Variants in MMP16 observed in about 807,000 individuals in gnomAD.
The protein encoded by MMP16 is matrix metalloproteinase-16.
MMP16 carries 12 observed loss-of-function variants against 67.8 expected under a neutral mutation model. That is an observed-to-expected ratio of 0.18 (90% CI 0.11 to 0.29). The LOEUF is 0.29. MMP16 is among the 10% of genes least tolerant of loss of function. The pLI is 1.00. For synonymous variants in MMP16, 249 were observed against 255.9 expected, an observed-to-expected ratio of 0.97 and a Z score of 0.26; for missense variants, 475 against 765.7, an observed-to-expected ratio of 0.62 and a Z score of 4.48.
In MMP16 at chr8:88,039,633, A is replaced by C. The variant is rs977577851; in HGVS notation, c.*1828T>G. 3.3e-5 allele frequency: 5 copies of C among 152,646 alleles called. No individual in the cohort carries two copies. Among genetic ancestry groups the C allele is most frequent in the African/African-American group, 1.2e-4 (5 of 41,468 alleles). The allele number at this position is 152,646 out of a possible 1,614,324, so 9.5% of individuals were successfully genotyped here. A position where few individuals can be genotyped will look rare whatever the true frequency, so the allele number is the denominator to read the frequency against. On this transcript the variant is annotated 3_prime_UTR_variant, in exon 10 of 10. Transcript: ENST00000286614. The surrounding 1 kb of genome is among the most constrained non-coding windows in gnomAD (Gnocchi z 4.5). ...TAATCAAGTTCAAGGCAAGCTGTTC[A>C]TTGTTTCAAAAGCTAATCCCCTCAA...
At chr8:88,074,771 A>G (rs775134165) in intron 6 of MMP16, 28 bp from the exon 7 acceptor site, 5 of 1,606,746 alleles carry the variant, frequency 3.1e-6, no homozygotes, top group East Asian at 2.2e-5. Context: ...GCATCTCTCA[A>G]CAAACACGTA....
chr8:88,154,551 G>A lies in MMP16; in HGVS notation c.709+13118C>T, dbSNP rs57478710. 4.8e-3 allele frequency among the ~76,000 whole-genome samples: 730 copies of A among 151,670 alleles called. 1 individual carries two copies. The highest frequency in any genetic ancestry group is 0.016 in the African/African-American group (677 of 41,244). ...ACTATGCAGCCATAAAAAATGATGA[G>A]TTCATGTCCTTTGTAGGGACATGGA... On this transcript the variant is annotated intron_variant, in intron 4 of 9. Coordinates refer to ENST00000286614, the MANE Select transcript of MMP16 (RefSeq NM_005941.5).
chr8:88,142,401 A>G (rs1030031228), intron 4 of MMP16, among the ~76,000 whole-genome samples: 3 of 152,134 alleles, frequency 2.0e-5, no homozygotes, highest in Admixed American at 6.6e-5. Flanking sequence ...AATACACAAC[A>G]ATTGTACATA....
At chr8:88,280,802 T>C (rs987838420) in intron 1 of MMP16, among the ~76,000 whole-genome samples, 3 of 152,084 alleles carry the variant, frequency 2.0e-5, no homozygotes, top group African/African-American at 7.2e-5. Flanking sequence ...GGAGGACTGC[T>C]TGAGCTTGGG....
chr8:88,107,913 G>C (rs957306558), intron 6 of MMP16, among the ~76,000 whole-genome samples: 3 of 151,052 alleles, frequency 2.0e-5, no homozygotes, highest in African/African-American at 7.3e-5. Context: ...TAACTTTAAT[G>C]TCTCTCTTTC....
At chr8:88,271,619 G>T (rs1268440459) in intron 1 of MMP16, among the ~76,000 whole-genome samples, 1 of 152,124 alleles carries the variant, frequency 6.6e-6, no homozygotes, top group Non-Finnish European at 1.5e-5. Flanking sequence ...GCAGCCTCCT[G>T]AGTAGCTGGA....
chr8:88,193,643 A>G (rs1390918220), intron 2 of MMP16, among the ~76,000 whole-genome samples: 1 of 152,084 alleles, frequency 6.6e-6, no homozygotes, highest in Non-Finnish European at 1.5e-5. Context: ...AGATACCCCA[A>G]CTACCCTGAT....
In MMP16 at chr8:88,257,664, A is replaced by G. The variant is rs28904592; in HGVS notation, c.133-60358T>C. ...AGAATAAAAGCTCCTTTTGTTCACC[A>G]ATGCATTATAAGCATGGAGTATAAA... On this transcript the variant is annotated intron_variant, in intron 1 of 9. Transcript: ENST00000286614. Among the ~76,000 whole-genome samples the G allele has an allele frequency of 4.2e-3, 638 of 152,350 alleles. 1 individual carries two copies. The highest frequency in any genetic ancestry group is 0.014 in the African/African-American group (601 of 41,588).
chr8:88,198,722 C>T, intron 1 of MMP16, among the ~76,000 whole-genome samples: 1 of 151,622 alleles, frequency 6.6e-6, no homozygotes. Context: ...AAAAAAAACC[C>T]AAAATTTATT....
At chr8:88,043,267 C>T (rs923997490) in intron 9 of MMP16, among the ~76,000 whole-genome samples, 3 of 152,050 alleles carry the variant, frequency 2.0e-5, no homozygotes, top group African/African-American at 7.2e-5. Context: ...TTTTTTAAGA[C>T]TGGGTCCTTT....
chr8:88,145,568 G>C (rs1411313596), intron 4 of MMP16, among the ~76,000 whole-genome samples: 2 of 151,838 alleles, frequency 1.3e-5, no homozygotes, highest in African/African-American at 4.8e-5. Flanking sequence ...CACCTTAATA[G>C]ATCTCATATC....
intron 7 of MMP16, among the ~76,000 whole-genome samples, chr8:88,072,626 C>T (rs1175480196): frequency 6.6e-6 from 1 of 152,082 alleles, no homozygotes; most frequent in East Asian, 1.9e-4. Context: ...TTGTAAGCAC[C>T]ACACCATAAG....
At chr8:88,050,300 GCAA>G (rs1808253849) in intron 8 of MMP16, among the ~76,000 whole-genome samples, 1 of 152,202 alleles carries the variant, frequency 6.6e-6, no homozygotes, top group African/African-American at 2.4e-5. Context: ...TCCGGCTTGG[GCAA>G]CAGAGAGAGA....
rs1045765343 is a variant in MMP16, at chr8:88,059,833, C to CGA, written c.1223-3557_1223-3556dup. Among the ~76,000 whole-genome samples the CGA allele has an allele frequency of 7.9e-5, 12 of 151,634 alleles. No homozygotes were observed. The East Asian group carries it at 2.3e-3, about 30-fold the overall frequency. ...CTTGGGAAGATGACCCAGAGAACAC[C>CGA]GAGAGATTTTCCCTCTAAGCAGGGG... On this transcript the variant is annotated intron_variant, in intron 7 of 9. Coordinates refer to ENST00000286614, the MANE Select transcript of MMP16 (RefSeq NM_005941.5).
chr8:88,069,480 T>C (rs1482229466), intron 7 of MMP16: 2 of 530,624 alleles, frequency 3.8e-6, no homozygotes, highest in East Asian at 5.5e-5. Context: ...ATGGTATTTG[T>C]AGAGCCAACC....
rs1491101969 is a variant in MMP16, at chr8:88,264,031, C to CATATATAT, written c.132+63043_132+63044insATATATAT. 2.0e-3 allele frequency among the ~76,000 whole-genome samples: 79 copies of CATATATAT among 40,336 alleles called. 1 individual carries two copies. Among genetic ancestry groups the CATATATAT allele is most frequent in the African/African-American group, 5.0e-3 (74 of 14,734 alleles). 26.5% of individuals were successfully genotyped at this position (40,336 alleles called of 152,430 possible). A position where few individuals can be genotyped will look rare whatever the true frequency, so the allele number is the denominator to read the frequency against. ...GTGTGCAACTTCCCTACAAAAATGG[C>CATATATAT]ACATATATATATATATATATATATA... On this transcript the variant is annotated intron_variant, in intron 1 of 9. Transcript: ENST00000286614.
chr8:88,179,862 G>C (rs1328488230), intron 3 of MMP16, among the ~76,000 whole-genome samples: 1 of 151,978 alleles, frequency 6.6e-6, no homozygotes, highest in African/African-American at 2.4e-5. Flanking sequence ...CATATAAAAT[G>C]GTCAACTAAA....
chr8:88,066,192 A>C (rs893954503), intron 7 of MMP16, among the ~76,000 whole-genome samples: 8 of 152,160 alleles, frequency 5.3e-5, no homozygotes, highest in African/African-American at 1.9e-4. Flanking sequence ...AATTCTTGAA[A>C]GAGATTGCAC....
chr8:88,125,088 C>T (rs966418330), intron 4 of MMP16, among the ~76,000 whole-genome samples: 1 of 151,626 alleles, frequency 6.6e-6, no homozygotes, highest in Non-Finnish European at 1.5e-5. Context: ...TTTATGAACA[C>T]AATTCAGTCC....
Sources: allele counts gnomAD v4.1 joint callset (sites outside exome capture counted in the v4.1 genomes callset), GRCh38; gene constraint gnomAD v4.1.1; non-coding constraint Gnocchi (gnomAD v3.1); transcripts MANE v1.5; gene names NCBI Gene and HGNC (gene_info 2026-07-23, HGNC 2026-07-21).